The following ZFPM2 variants were observed in gnomAD, a reference collection of about 807,000 sequenced individuals.
The protein encoded by ZFPM2 is zinc finger protein ZFPM2.
A neutral mutation model predicts 98.6 loss-of-function variants in ZFPM2; 20 were observed. The ratio of observed to expected loss-of-function variants is 0.20; its 90% confidence interval spans 0.14 to 0.29. The LOEUF is 0.29. ZFPM2 is among the 10% of genes least tolerant of loss of function. The pLI is 1.00. For synonymous variants in ZFPM2, 518 were observed against 502.7 expected (o/e 1.03, Z -0.41); for missense variants, 1,310 against 1,388.6 (o/e 0.94, Z 0.90).
Position 105,632,882 on chromosome 8 carries a change from T to C in ZFPM2, c.421-1364T>C, listed in dbSNP as rs566846038. Among the ~76,000 whole-genome samples, 144 of 152,310 alleles carry C rather than the reference T, an allele frequency of 9.5e-4. 1 individual carries two copies. Among genetic ancestry groups the C allele is most frequent in the Admixed American group, 2.5e-3 (38 of 15,288 alleles). On this transcript the variant is annotated intron_variant, in intron 4 of 7. Transcript: ENST00000407775. ...TGATTTAGTTATAGTTTATACTCTG[T>C]TTTAATATTTGAAGTAGTTTTTTTT...
intron 4 of ZFPM2, among the ~76,000 whole-genome samples, chr8:105,564,465 A>G (rs551415076): frequency 6.6e-6 from 1 of 152,174 alleles, no homozygotes; most frequent in African/African-American, 2.4e-5. Flanking sequence ...TTATATCATT[A>G]AATACTACTA....
intron 5 of ZFPM2, among the ~76,000 whole-genome samples, chr8:105,668,827 A>G (rs1380872779): frequency 6.6e-6 from 1 of 152,194 alleles, no homozygotes; most frequent in East Asian, 1.9e-4. Flanking sequence ...TTAAATTTGG[A>G]TCTAGCAGGA....
At chr8:105,457,846 ACT>A (rs1229317016) in intron 3 of ZFPM2, among the ~76,000 whole-genome samples, 9 of 152,188 alleles carry the variant, frequency 5.9e-5, no homozygotes, top group African/African-American at 2.2e-4. Context: ...GAAAGGACAG[ACT>A]CTCTGAAAGA....
intron 5 of ZFPM2, among the ~76,000 whole-genome samples, chr8:105,766,660 G>A (rs2131082428): frequency 6.6e-6 from 1 of 151,962 alleles, no homozygotes; most frequent in Middle Eastern, 3.4e-3. Context: ...TGATTGATTG[G>A]CTATGAAGAG....
At chr8:105,757,813 T>A (rs1181578736) in intron 5 of ZFPM2, among the ~76,000 whole-genome samples, 1 of 152,116 alleles carries the variant, frequency 6.6e-6, no homozygotes, top group African/African-American at 2.4e-5. Flanking sequence ...TGAAATTATG[T>A]CATGTGTGCA....
chr8:105,742,058 G>T (rs187014578), intron 5 of ZFPM2, among the ~76,000 whole-genome samples: 1 of 152,146 alleles, frequency 6.6e-6, no homozygotes, highest in East Asian at 2.0e-4. Flanking sequence ...TGGAAACTGG[G>T]TGTGGTGGCT....
At chr8:105,555,864 G>T (rs1323086509) in intron 3 of ZFPM2, among the ~76,000 whole-genome samples, 1 of 152,144 alleles carries the variant, frequency 6.6e-6, no homozygotes, top group Admixed American at 6.6e-5. Context: ...CAGATAGCGG[G>T]AACCATTCTC....
At chr8:105,540,247 G>A (rs1814546901) in intron 3 of ZFPM2, among the ~76,000 whole-genome samples, 1 of 152,068 alleles carries the variant, frequency 6.6e-6, no homozygotes, top group Non-Finnish European at 1.5e-5. Flanking sequence ...GAGGGATTTT[G>A]TTGGAGGATG....
chr8:105,637,908 G>C (rs35195125), intron 5 of ZFPM2, among the ~76,000 whole-genome samples: 16,575 of 152,028 alleles, frequency 0.11, 1,073 homozygotes, highest in South Asian at 0.21. Context: ...GGCCTCTTTT[G>C]TTTTCAAGTG....
intron 2 of ZFPM2, among the ~76,000 whole-genome samples, chr8:105,427,170 A>G (rs1811932071): frequency 6.6e-6 from 1 of 152,164 alleles, no homozygotes; most frequent in African/African-American, 2.4e-5. Flanking sequence ...GAGTAAACAT[A>G]TTCTTGGTTT....
chr8:105,383,143 A>T (rs1046659454), intron 1 of ZFPM2, among the ~76,000 whole-genome samples: 1 of 152,124 alleles, frequency 6.6e-6, no homozygotes, highest in Non-Finnish European at 1.5e-5. Flanking sequence ...GGATTGTAAG[A>T]GTTGAAGAAA....
rs60282839 is a variant in ZFPM2, at chr8:105,396,904, C to T, written c.41-22240C>T. On this transcript the variant is annotated intron_variant, in intron 1 of 7. Coordinates refer to ENST00000407775, the MANE Select transcript of ZFPM2 (RefSeq NM_012082.4). ...TCAGTAATTTGTAGTATTAATTATGCGACTTTTATATATTGCCAGTAACAT... is the reference window on the plus strand; with the variant it reads ...TCAGTAATTTGTAGTATTAATTATGTGACTTTTATATATTGCCAGTAACAT... 8.3e-3 allele frequency among the ~76,000 whole-genome samples: 1,265 copies of T among 152,164 alleles called. 16 individuals are homozygous for T. The highest frequency in any genetic ancestry group is 0.029 in the African/African-American group (1,189 of 41,508).
intron 5 of ZFPM2, among the ~76,000 whole-genome samples, chr8:105,694,782 T>A (rs558491588): frequency 1.3e-5 from 2 of 152,184 alleles, no homozygotes; most frequent in Admixed American, 6.5e-5. Flanking sequence ...AAGTAGGTCA[T>A]CTAATATAAA....
intron 4 of ZFPM2, among the ~76,000 whole-genome samples, chr8:105,582,600 T>C (rs577173958): frequency 6.6e-6 from 1 of 152,170 alleles, no homozygotes; most frequent in Non-Finnish European, 1.5e-5. Flanking sequence ...GTTTGTTTGT[T>C]CGTTTGTTTG....
At chr8:105,708,640 C>T (rs777665102) in intron 5 of ZFPM2, among the ~76,000 whole-genome samples, 2 of 152,060 alleles carry the variant, frequency 1.3e-5, no homozygotes, top group Non-Finnish European at 2.9e-5. Context: ...GATGAGGTTT[C>T]GCCATGTTGC....
chr8:105,636,168 A>G (rs1473324553), intron 5 of ZFPM2, among the ~76,000 whole-genome samples: 1 of 152,138 alleles, frequency 6.6e-6, no homozygotes, highest in Non-Finnish European at 1.5e-5. Context: ...GGATTTTGGA[A>G]CCATCTGAAA....
intron 1 of ZFPM2, among the ~76,000 whole-genome samples, chr8:105,343,695 C>T (rs1304570062): frequency 2.6e-5 from 4 of 152,100 alleles, no homozygotes; most frequent in Non-Finnish European, 5.9e-5. Context: ...GAAGGTTTGC[C>T]TGGTTAACCA....
At chr8:105,514,677 A>G (rs919332885) in intron 3 of ZFPM2, among the ~76,000 whole-genome samples, 2 of 152,152 alleles carry the variant, frequency 1.3e-5, no homozygotes, top group African/African-American at 4.8e-5. Context: ...TCAGCTACCC[A>G]GGGATGTCTC....
At chr8:105,761,664 C>G (rs1321709870) in intron 5 of ZFPM2, among the ~76,000 whole-genome samples, 1 of 151,822 alleles carries the variant, frequency 6.6e-6, no homozygotes, top group African/African-American at 2.4e-5. Flanking sequence ...GGGCTTGTCT[C>G]AAGATATTTC....
Sources: allele counts gnomAD v4.1 joint callset (sites outside exome capture counted in the v4.1 genomes callset), GRCh38; gene constraint gnomAD v4.1.1; transcripts MANE v1.5; gene names NCBI Gene and HGNC (gene_info 2026-07-23, HGNC 2026-07-21).